PCSK2: variants seen among roughly 807,000 people sequenced by gnomAD.
The protein encoded by PCSK2 is neuroendocrine convertase 2.
In PCSK2, 14 loss-of-function variants were observed where a neutral mutation model predicts 69.7. The ratio of observed to expected loss-of-function variants is 0.20; its 90% CI spans 0.13 to 0.31. The LOEUF is 0.31. Among genes scored for constraint, PCSK2 ranks in the 10% least tolerant of loss-of-function variants. The pLI is 1.00. For missense variants in PCSK2, 544 were observed against 842.5 expected (o/e 0.65, Z 4.39); for synonymous variants, 307 against 320.7 (o/e 0.96, Z 0.46).
intron 2 of PCSK2, among the ~76,000 whole-genome samples, chr20:17,263,864 A>T (rs1352914162): frequency 6.6e-6 from 1 of 152,256 alleles, no homozygotes; most frequent in Non-Finnish European, 1.5e-5. Flanking sequence ...TTGAAGAGGT[A>T]ATAAATCAAT....
intron 11 of PCSK2, among the ~76,000 whole-genome samples, chr20:17,478,571 A>G (rs760078231): frequency 6.6e-6 from 1 of 152,238 alleles, no homozygotes; most frequent in Non-Finnish European, 1.5e-5. Context: ...TTACTATGCT[A>G]TTAGTTGATA....
chr20:17,356,888 C>T (rs571184557), intron 2 of PCSK2, among the ~76,000 whole-genome samples: 115 of 152,220 alleles, frequency 7.6e-4, no homozygotes, highest in African/African-American at 2.6e-3. Context: ...ACAGAGGCAC[C>T]CCTAAGGCAG....
intron 2 of PCSK2, among the ~76,000 whole-genome samples, chr20:17,293,945 G>A (rs919069811): frequency 1.3e-5 from 2 of 152,008 alleles, no homozygotes; most frequent in Non-Finnish European, 2.9e-5. Flanking sequence ...CTTTTTGAAA[G>A]TGTATCTTTG....
intron 1 of PCSK2, among the ~76,000 whole-genome samples, chr20:17,229,431 G>A (rs1986064737): frequency 6.7e-6 from 1 of 148,886 alleles, no homozygotes; most frequent in Non-Finnish European, 1.5e-5. Flanking sequence ...ACCTTTTCAT[G>A]GGTGCGGGGG....
At chr20:17,238,435 G>A (rs1361044158) in intron 1 of PCSK2, among the ~76,000 whole-genome samples, 2 of 152,072 alleles carry the variant, frequency 1.3e-5, no homozygotes, top group African/African-American at 2.4e-5. Flanking sequence ...AACAGGAAGG[G>A]ATCCTAGAAA....
At chr20:17,263,030 A>G (rs1003237880) in intron 2 of PCSK2, 9 of 329,304 alleles carry the variant, frequency 2.7e-5, no homozygotes, top group African/African-American at 2.0e-4. Flanking sequence ...CACAAAGCCC[A>G]GGGAGGGTGG....
At chr20:17,354,196 G>C (rs16990251) in intron 2 of PCSK2, among the ~76,000 whole-genome samples, 7 of 152,114 alleles carry the variant, frequency 4.6e-5, no homozygotes. Context: ...AGAAATAATA[G>C]TGATACCCAG....
intron 2 of PCSK2, among the ~76,000 whole-genome samples, chr20:17,342,013 G>T (rs144949695): frequency 4.1e-4 from 63 of 152,342 alleles, no homozygotes; most frequent in African/African-American, 1.4e-3. Flanking sequence ...GGCCACAGGG[G>T]TAATTGATTT....
At chr20:17,294,098 C>CTTTTTTTTT (rs34805695) in intron 2 of PCSK2, among the ~76,000 whole-genome samples, 6 of 73,960 alleles carry the variant, frequency 8.1e-5, no homozygotes, top group African/African-American at 1.6e-4. Flanking sequence ...AAAGTATTTT[C>CTTTTTTTTT]TTTTTTTTTT....
intron 2 of PCSK2, among the ~76,000 whole-genome samples, chr20:17,335,857 G>GGTGTGTGTGTGTGT (rs3138653): frequency 1.6e-4 from 23 of 142,696 alleles, no homozygotes; most frequent in African/African-American, 3.7e-4. Context: ...AGTAGTCCAT[G>GGTGTGTGTGTGTGT]GTGTGTGTGT....
At chr20:17,299,103 G>T (rs1286859256) in intron 2 of PCSK2, among the ~76,000 whole-genome samples, 1 of 151,998 alleles carries the variant, frequency 6.6e-6, no homozygotes, top group Non-Finnish European at 1.5e-5. Context: ...TTACCTCACT[G>T]TCTCTTCCTT....
intron 8 of PCSK2, among the ~76,000 whole-genome samples, chr20:17,445,165 G>C (rs2032674132): frequency 6.6e-6 from 1 of 152,178 alleles, no homozygotes; most frequent in Non-Finnish European, 1.5e-5. Flanking sequence ...CTTGCAAAGA[G>C]GGAGCTACAA....
At chr20:17,396,682 A>G (rs1366226811) in intron 5 of PCSK2, among the ~76,000 whole-genome samples, 1 of 151,988 alleles carries the variant, frequency 6.6e-6, no homozygotes, top group Non-Finnish European at 1.5e-5. Flanking sequence ...CAGTTGCACA[A>G]TCATAGCTTG....
intron 10 of PCSK2, chr20:17,463,424 T>C (rs1320133237): frequency 6.6e-6 from 1 of 152,200 alleles, no homozygotes; most frequent in Non-Finnish European, 1.5e-5. Flanking sequence ...ACTTACATCA[T>C]TTTACACCAT....
intron 2 of PCSK2, among the ~76,000 whole-genome samples, chr20:17,280,276 G>T (rs1988257500): frequency 6.6e-6 from 1 of 152,174 alleles, no homozygotes; most frequent in Admixed American, 6.5e-5. Flanking sequence ...ATTAATGACT[G>T]CATAAGATTC....
chr20:17,479,795 TCAAAAAAAA>T (rs2033361872), intron 11 of PCSK2, among the ~76,000 whole-genome samples: 1 of 25,254 alleles, frequency 4.0e-5, no homozygotes, highest in African/African-American at 2.5e-4. Flanking sequence ...AGACTCCGTC[TCAAAAAAAA>T]AAAAAAAAAA....
At chr20:17,409,225 G>A (rs1319719407) in intron 5 of PCSK2, 38 bp from the exon 6 acceptor site, 27 of 1,533,110 alleles carry the variant, frequency 1.8e-5, no homozygotes, top group Non-Finnish European at 2.3e-5. Context: ...CTGCGCCTCT[G>A]GCTGTACGGA....
chr20:17,461,218 A>G (rs1409046793), intron 10 of PCSK2, among the ~76,000 whole-genome samples: 1 of 152,126 alleles, frequency 6.6e-6, no homozygotes, highest in Non-Finnish European at 1.5e-5. Flanking sequence ...TGAAAACTGA[A>G]TTTCCTCTCA....
intron 1 of PCSK2, among the ~76,000 whole-genome samples, chr20:17,238,095 G>A (rs1368734652): frequency 6.6e-6 from 1 of 152,150 alleles, no homozygotes; most frequent in African/African-American, 2.4e-5. Context: ...GAGGATCTGA[G>A]TGTGAAAGTA....
Sources: allele counts gnomAD v4.1 joint callset (sites outside exome capture counted in the v4.1 genomes callset), GRCh38; gene constraint gnomAD v4.1.1; transcripts MANE v1.5; gene names NCBI Gene and HGNC (gene_info 2026-07-23, HGNC 2026-07-21).